Variants in DPP6 observed in about 807,000 individuals in gnomAD.
DPP6 encodes dipeptidyl peptidase like 6.
Under a neutral mutation model 122.6 loss-of-function variants are expected in DPP6, and 69 were observed. That is an observed-to-expected ratio of 0.56 (90% confidence interval 0.46 to 0.69). The LOEUF (loss-of-function observed/expected upper bound fraction) is 0.69, where lower values mean the gene tolerates loss of function less well. DPP6 is among the 30% of genes least tolerant of loss of function. The pLI is 0.00. For missense variants in DPP6, 928 were observed against 1,116.9 expected, an observed-to-expected ratio of 0.83 and a Z score of 2.41; for synonymous variants, 418 against 433.1, an observed-to-expected ratio of 0.97 and a Z score of 0.43.
At chr7:153,988,722 G>A (rs1224803538) in intron 1 of DPP6, among the ~76,000 whole-genome samples, 1 of 152,258 alleles carries the variant, frequency 6.6e-6, no homozygotes, top group Non-Finnish European at 1.5e-5. Context: ...GAGCTTCTCA[G>A]CGTGGATAGG....
chr7:154,621,803 C>T (rs535861461), intron 5 of DPP6, among the ~76,000 whole-genome samples: 54 of 152,244 alleles, frequency 3.5e-4, no homozygotes, highest in African/African-American at 1.1e-3. Context: ...ACCTCCCTGC[C>T]CACCTCAAGT....
intron 1 of DPP6, among the ~76,000 whole-genome samples, chr7:153,891,989 T>C (rs748492161): frequency 2.6e-5 from 4 of 152,220 alleles, no homozygotes; most frequent in South Asian, 2.1e-4. Context: ...TTGAGTTCCC[T>C]GTATAGGGAA....
At chr7:154,634,472 C>T (rs1835604720) in intron 5 of DPP6, among the ~76,000 whole-genome samples, 1 of 152,080 alleles carries the variant, frequency 6.6e-6, no homozygotes, top group Non-Finnish European at 1.5e-5. Flanking sequence ...TACAAAGACA[C>T]ATGCACATGT....
chr7:153,748,153 C>A, the DPP6 span, among the ~76,000 whole-genome samples: 1 of 152,364 alleles, frequency 6.6e-6, no homozygotes, highest in East Asian at 1.9e-4. Flanking sequence ...CATCCCTCAG[C>A]TGTAGCTCGT....
intron 1 of DPP6, among the ~76,000 whole-genome samples, chr7:154,068,272 G>T (rs1802883139): frequency 6.7e-6 from 1 of 149,802 alleles, no homozygotes; most frequent in Non-Finnish European, 1.5e-5. Context: ...TTCTATTGTT[G>T]ATTCTTGGAG....
chr7:154,258,739 A>G (rs983288405), intron 1 of DPP6, among the ~76,000 whole-genome samples: 1 of 152,070 alleles, frequency 6.6e-6, no homozygotes, highest in African/African-American at 2.4e-5. Context: ...GAAAACGTGT[A>G]TTCCTTAAAA....
chr7:154,587,741 AC>A, intron 5 of DPP6: 1 of 1,571,732 alleles, frequency 6.4e-7, no homozygotes, highest in South Asian at 1.2e-5. Context: ...CCAGCTTGTC[AC>A]CAGGGCTGTT....
intron 1 of DPP6, among the ~76,000 whole-genome samples, chr7:154,378,260 A>C (rs969413041): frequency 6.6e-6 from 1 of 152,252 alleles, no homozygotes; most frequent in African/African-American, 2.4e-5. Context: ...TACTCTATAC[A>C]TGAAAGCAGA....
chr7:154,666,343 G>T (rs891356866), intron 6 of DPP6, among the ~76,000 whole-genome samples: 1 of 147,086 alleles, frequency 6.8e-6, no homozygotes, highest in Non-Finnish European at 1.5e-5. Context: ...CATTGTATTG[G>T]GGGGGTATAG....
intron 5 of DPP6, among the ~76,000 whole-genome samples, chr7:154,621,221 G>A (rs2130852499): frequency 6.6e-6 from 1 of 152,206 alleles, no homozygotes; most frequent in African/African-American, 2.4e-5. Flanking sequence ...TGATTTGGAA[G>A]CCTGCTAAGA....
At position 154,241,157 on chromosome 7, in the gene DPP6, G is replaced by A. The variant is rs1801567929; in HGVS notation, c.243+188094G>A. Among the ~76,000 whole-genome samples the A allele has an allele frequency of 6.7e-6, 1 of 148,990 alleles. No homozygotes were observed. Among genetic ancestry groups the A allele is most frequent in the African/African-American group, 2.5e-5 (1 of 40,402 alleles). On this transcript the variant is annotated intron_variant, in intron 1 of 25. Coordinates refer to ENST00000377770, the MANE Select transcript of DPP6 (RefSeq NM_130797.4). This position sits in a 1 kb window ranked among gnomAD's most constrained non-coding sequence, Gnocchi z 9.0. The stretch of plus-strand genomic sequence containing the variant: ...GATTGGGCACAAATATAAACATATT[G>A]CTGCACAGTAGGTAATTCAATATCA...
At chr7:154,804,249 T>A (rs1228275362) in intron 14 of DPP6, among the ~76,000 whole-genome samples, 1 of 152,254 alleles carries the variant, frequency 6.6e-6, no homozygotes, top group African/African-American at 2.4e-5. Context: ...GAGTTTTTAC[T>A]AGTCCAGGCT....
At chr7:154,800,383 G>A (rs1005480225) in intron 12 of DPP6, among the ~76,000 whole-genome samples, 4 of 152,178 alleles carry the variant, frequency 2.6e-5, no homozygotes, top group Non-Finnish European at 4.4e-5. Context: ...CCCCGCATTC[G>A]TGTGAAGCTC....
chr7:153,806,390 T>C, the DPP6 span, among the ~76,000 whole-genome samples: 1 of 151,794 alleles, frequency 6.6e-6, no homozygotes, highest in African/African-American at 2.4e-5. Context: ...CATTAATTCA[T>C]TGGTTTACTT....
intron 1 of DPP6, among the ~76,000 whole-genome samples, chr7:154,213,908 G>A (rs770851139): frequency 6.6e-5 from 10 of 152,134 alleles, no homozygotes; most frequent in East Asian, 1.9e-4. Flanking sequence ...AGCGGCCTTC[G>A]CTTCAAGACA....
intron 7 of DPP6, among the ~76,000 whole-genome samples, chr7:154,727,285 TGGA>T (rs2131364022): frequency 6.6e-6 from 1 of 152,278 alleles, no homozygotes; most frequent in South Asian, 2.1e-4. Flanking sequence ...CTTACATGGC[TGGA>T]GGAGGAGGAA....
chr7:154,840,070 C>T (rs776222814), intron 16 of DPP6, among the ~76,000 whole-genome samples: 2 of 152,154 alleles, frequency 1.3e-5, no homozygotes, highest in East Asian at 1.9e-4. Context: ...ATTCAAAAAA[C>T]GGGGTTTGCT....
intron 5 of DPP6, chr7:154,587,523 A>G (rs760981492): frequency 3.8e-5 from 38 of 987,938 alleles, no homozygotes; most frequent in Non-Finnish European, 1.6e-5. Context: ...TGAAGACCCA[A>G]TGTGAACATT....
At chr7:154,599,162 A>G (rs1833273134) in intron 5 of DPP6, among the ~76,000 whole-genome samples, 1 of 152,202 alleles carries the variant, frequency 6.6e-6, no homozygotes, top group Non-Finnish European at 1.5e-5. Flanking sequence ...AACCAAAGTC[A>G]ACAAAAGAGC....
Sources: gnomAD v4.1 joint callset for allele counts (sites outside exome capture counted in the v4.1 genomes callset) on GRCh38, gnomAD v4.1.1 for gene constraint, Gnocchi (gnomAD v3.1) non-coding constraint, MANE v1.5 for transcripts, NCBI Gene and HGNC (gene_info 2026-07-23, HGNC 2026-07-21) for gene names.